AK8: variants seen among roughly 807,000 people sequenced by gnomAD.
AK8 encodes adenylate kinase 8.
A neutral mutation model predicts 54.6 loss-of-function variants in AK8; 44 were observed. The observed-to-expected ratio is 0.81, with a 90% CI of 0.63 to 1.04. The LOEUF is 1.04. AK8 is among the 50% of genes least tolerant of loss of function. The pLI is 0.00. For missense variants in AK8, 555 were observed against 613.6 expected (o/e 0.90, Z 1.01); for synonymous variants, 239 against 245.6 (o/e 0.97, Z 0.25).
chr9:132,744,265 C>G (rs1391425884), intron 11 of AK8, among the ~76,000 whole-genome samples: 2 of 152,186 alleles, frequency 1.3e-5, no homozygotes, highest in Non-Finnish European at 2.9e-5. Flanking sequence ...AATCCACCAC[C>G]GTGGTTGTTA....
chr9:132,779,242 T>C (rs914683507), intron 11 of AK8, among the ~76,000 whole-genome samples: 3 of 152,258 alleles, frequency 2.0e-5, no homozygotes, highest in Admixed American at 2.0e-4. Flanking sequence ...AGTGTCATAG[T>C]AAATGTGTTT....
chr9:132,853,108 G>A (rs1421044631), intron 5 of AK8, among the ~76,000 whole-genome samples: 1 of 152,000 alleles, frequency 6.6e-6, no homozygotes, highest in Non-Finnish European at 1.5e-5. Context: ...TGTAATCCCA[G>A]CACTTTGGGA....
At chr9:132,871,203 G>A (rs978035531) in intron 2 of AK8, among the ~76,000 whole-genome samples, 3 of 152,048 alleles carry the variant, frequency 2.0e-5, no homozygotes, top group African/African-American at 7.3e-5. Context: ...CTGAGATTGC[G>A]CCATTGCACT....
intron 1 of AK8, chr9:132,877,705 C>T (rs1279471016): frequency 2.6e-6 from 1 of 386,674 alleles, no homozygotes; most frequent in African/African-American, 2.1e-5. Flanking sequence ...AGGCGGCCCT[C>T]TCTGAGGATG....
intron 5 of AK8, among the ~76,000 whole-genome samples, chr9:132,831,746 C>T (rs1842110459): frequency 6.6e-6 from 1 of 152,124 alleles, no homozygotes; most frequent in Non-Finnish European, 1.5e-5. Flanking sequence ...TAAGAGATGT[C>T]TTTCTTTAAA....
chr9:132,732,794 G>C (rs539837240), intron 11 of AK8, among the ~76,000 whole-genome samples: 3 of 152,198 alleles, frequency 2.0e-5, no homozygotes, highest in Admixed American at 2.0e-4. Context: ...ATTCATGTAT[G>C]TATGAATATA....
At chr9:132,858,731 C>G (rs926557813) in intron 4 of AK8, among the ~76,000 whole-genome samples, 3 of 152,080 alleles carry the variant, frequency 2.0e-5, no homozygotes, top group Non-Finnish European at 4.4e-5. Flanking sequence ...GGTTAGGAGA[C>G]AGCAGGAACT....
Position 132,826,896 on chromosome 9 carries a change from C to T in AK8, c.715G>A (p.Val239Ile), listed in dbSNP as rs1358626690. 6.2e-7 allele frequency: 1 copy of T among 1,614,104 alleles called. No individual in the cohort carries two copies. Among genetic ancestry groups the T allele is most frequent in the African/African-American group, 1.3e-5 (1 of 74,914 alleles). The stretch of plus-strand genomic sequence containing the variant: ...ACACATGGCTGGTCAGCACTGATGA[C>T]TTTGAGGATTTTGGGGTAGGAGGGA... ...VIPSYPKILKVISADQPCVDV... is the reference protein window; with the variant it reads ...VIPSYPKILKIISADQPCVDV... The change falls in exon 8 of 13, where the codon GTC becomes ATC. Residue 239 changes from valine to isoleucine, a missense_variant. Transcript: ENST00000298545. The surrounding 1 kb of genome is among the most constrained non-coding windows in gnomAD (Gnocchi z 4.5).
rs1463520471 is a variant in AK8, at chr9:132,837,771, T to C, written c.403-9045A>G. ...AACCACGCCTCAGCATCAGGGTCTC[T>C]TACAGAAACACCCACAAATAAGGGG... is the stretch of plus-strand genomic sequence containing the variant. On this transcript the variant is annotated intron_variant, in intron 5 of 12. Transcript: ENST00000298545. This position sits in a 1 kb window ranked among gnomAD's most constrained non-coding sequence, Gnocchi z 4.3. Among the ~76,000 whole-genome samples the C allele has an allele frequency of 6.6e-6, 1 of 152,158 alleles. No individual in the cohort carries two copies. Among genetic ancestry groups the C allele is most frequent in the African/African-American group, 2.4e-5 (1 of 41,436 alleles).
intron 11 of AK8, among the ~76,000 whole-genome samples, chr9:132,742,359 G>T (rs868109551): frequency 1.3e-5 from 2 of 152,012 alleles, no homozygotes; most frequent in Non-Finnish European, 2.9e-5. Context: ...AACATTTTTT[G>T]TAGAGACAGG....
intron 11 of AK8, among the ~76,000 whole-genome samples, chr9:132,763,193 T>C (rs111285061): frequency 2.3e-3 from 344 of 152,284 alleles, no homozygotes; most frequent in African/African-American, 8.1e-3. Flanking sequence ...ACCGCTGGAG[T>C]GTGCCTTGCT....
chr9:132,875,272 G>A, intron 1 of AK8, 73 bp from the exon 2 acceptor site: 3 of 1,579,640 alleles, frequency 1.9e-6, no homozygotes, highest in South Asian at 1.2e-5. Flanking sequence ...TACCAGCTAT[G>A]GGGCCTGCTC....
Position 132,792,740 on chromosome 9 carries a change from G to T in AK8, c.1015C>A (p.Arg339Ser). 1 of 1,559,320 alleles carries T rather than the reference G, an allele frequency of 6.4e-7. No homozygotes were observed. Among genetic ancestry groups the T allele is most frequent in the Non-Finnish European group, 8.7e-7 (1 of 1,151,816 alleles). Residue 339 changes from arginine to serine, a missense_variant, in exon 11 of 13, where the codon CGC becomes AGC. Arg to Ser is a moderately radical substitution (Grantham distance 110, BLOSUM62 -1). Transcript: ENST00000298545. ...TGGATGCAGTCCTGCTGGTCCAGGC[G>T]CTGGCTCAGCACCTTCATGAGGAGG... is the stretch of plus-strand genomic sequence containing the variant. The part of the protein sequence containing the change: ...DSLLMKVLSQ[R>S]LDQQDCIQKG...
At chr9:132,744,902 C>T (rs946903239) in intron 11 of AK8, among the ~76,000 whole-genome samples, 29 of 152,156 alleles carry the variant, frequency 1.9e-4, no homozygotes, top group Non-Finnish European at 3.1e-4. Context: ...TCGGTTTACC[C>T]GCTGGCTTGA....
At position 132,854,944 on chromosome 9, in the gene AK8, A is replaced by G. The variant is rs772789803; in HGVS notation, c.334-19T>C. The G allele has an allele frequency of 6.2e-7, 1 of 1,613,974 alleles. No individual in the cohort carries two copies. The highest frequency in any genetic ancestry group is 1.7e-5 in the Admixed American group (1 of 59,996). On this transcript the variant is annotated intron_variant, in intron 4 of 12. Transcript: ENST00000298545. ...GAACTGTCTGAAGGAAAAAGGACAC[A>G]CAGAATGATGGCCCAAACCTGCTTC...
At chr9:132,844,154 T>C (rs181077332) in intron 5 of AK8, among the ~76,000 whole-genome samples, 1 of 152,206 alleles carries the variant, frequency 6.6e-6, no homozygotes, top group Admixed American at 6.5e-5. Context: ...ATTCTCTTGA[T>C]TGTCCCTAAC....
chr9:132,823,805 G>A (rs1377263830), intron 8 of AK8, among the ~76,000 whole-genome samples: 1 of 152,248 alleles, frequency 6.6e-6, no homozygotes, highest in South Asian at 2.1e-4. Flanking sequence ...GCACCTGAAT[G>A]TCAGACACAG....
chr9:132,863,857 C>A, intron 3 of AK8, 79 bp from the exon 4 acceptor site: 3 of 1,077,646 alleles, frequency 2.8e-6, no homozygotes, highest in East Asian at 2.6e-5. Flanking sequence ...TGCCCTGGTC[C>A]TTCCCTCTCC....
chr9:132,878,737 C>A, upstream of AK8: 1 of 986,646 alleles, frequency 1.0e-6, no homozygotes, highest in Non-Finnish European at 1.2e-6. The surrounding 1 kb of genome is among the most constrained non-coding windows in gnomAD (Gnocchi z 4.7). Flanking sequence ...GTTCGAGGAT[C>A]GGGTGGAAAT....
Sources: allele counts gnomAD v4.1 joint callset (sites outside exome capture counted in the v4.1 genomes callset), GRCh38; gene constraint gnomAD v4.1.1; non-coding constraint Gnocchi (gnomAD v3.1); transcripts MANE v1.5; gene names NCBI Gene and HGNC (gene_info 2026-07-23, HGNC 2026-07-21).